Variants in NPHP4 observed in about 807,000 individuals in gnomAD.
NPHP4 encodes the protein nephrocystin 4.
A neutral mutation model predicts 155.8 loss-of-function variants in NPHP4; 151 were observed. The ratio of observed to expected loss-of-function variants is 0.97; its 90% CI spans 0.85 to 1.11. The LOEUF is 1.11. Ranked by LOEUF, NPHP4 falls within the 50% of genes least tolerant of loss-of-function variation. The pLI is 0.00. For missense variants in NPHP4, 1,956 were observed against 1,925.7 expected, an observed-to-expected ratio of 1.02 and a Z score of -0.29; for synonymous variants, 845 against 816.8, an observed-to-expected ratio of 1.03 and a Z score of -0.59.
rs1007715976 is a variant in NPHP4, at chr1:5,944,182, C to T, written c.1119+2922G>A. The stretch of plus-strand genomic sequence containing the variant: ...CAGGAAGCTGGCAGCCGGGGAAGCT[C>T]CGTGGGGCCCATCGCACCAGCCAGC... On this transcript the variant is annotated intron_variant, in intron 9 of 29. Transcript: ENST00000378156. The surrounding 1 kb of genome is among the most constrained non-coding windows in gnomAD (Gnocchi z 4.3). Among the ~76,000 whole-genome samples the T allele has an allele frequency of 1.3e-5, 2 of 152,202 alleles. No homozygotes were observed. Among genetic ancestry groups the T allele is most frequent in the African/African-American group, 4.8e-5 (2 of 41,450 alleles).
intron 23 of NPHP4, among the ~76,000 whole-genome samples, chr1:5,868,758 TATGC>T (rs977070218): frequency 1.9e-4 from 15 of 78,084 alleles, no homozygotes; most frequent in Non-Finnish European, 3.3e-4. Flanking sequence ...CATGTACACA[TATGC>T]ATGCACCCAC....
intron 3 of NPHP4, among the ~76,000 whole-genome samples, chr1:5,972,911 T>C (rs941736877): frequency 6.6e-6 from 1 of 151,752 alleles, no homozygotes; most frequent in Admixed American, 6.6e-5. Flanking sequence ...TTTGACAGAG[T>C]CTTGCTCTAT....
intron 11 of NPHP4, among the ~76,000 whole-genome samples, chr1:5,911,039 A>G (rs1645156214): frequency 6.6e-6 from 1 of 152,176 alleles, no homozygotes; most frequent in Non-Finnish European, 1.5e-5. Context: ...GAGCACAAAG[A>G]CTCTGGTCAG....
intron 7 of NPHP4, 46 bp from the exon 8 acceptor site, chr1:5,948,297 G>A (rs200014066): frequency 1.4e-6 from 2 of 1,446,202 alleles, no homozygotes; most frequent in African/African-American, 2.8e-5. Flanking sequence ...GACGGAAAGA[G>A]GGAGCTCGCC....
At chr1:5,992,003 G>T (rs1236962981) in intron 1 of NPHP4, among the ~76,000 whole-genome samples, 4 of 125,294 alleles carry the variant, frequency 3.2e-5, no homozygotes, top group Non-Finnish European at 5.0e-5. Flanking sequence ...ACGGCACCCA[G>T]CGGCCCCGAC....
chr1:5,884,375 C>A (rs868266783), intron 18 of NPHP4, among the ~76,000 whole-genome samples: 4 of 152,180 alleles, frequency 2.6e-5, no homozygotes, highest in African/African-American at 7.2e-5. Flanking sequence ...TCTGTCCTGA[C>A]GCCTGCCTCC....
At chr1:5,971,777 T>C (rs1229592359) in intron 3 of NPHP4, among the ~76,000 whole-genome samples, 1 of 150,900 alleles carries the variant, frequency 6.6e-6, no homozygotes, top group African/African-American at 2.5e-5. Context: ...ATTCTCTACA[T>C]CAACTGAAAC....
chr1:5,884,353 C>T (rs1250415941), intron 18 of NPHP4, among the ~76,000 whole-genome samples: 3 of 152,150 alleles, frequency 2.0e-5, no homozygotes, highest in Non-Finnish European at 4.4e-5. Context: ...AGACGCTTAG[C>T]CTGTGGGGCC....
intron 9 of NPHP4, among the ~76,000 whole-genome samples, chr1:5,942,867 T>TCACCC (rs1646896848): frequency 6.6e-6 from 1 of 152,182 alleles, no homozygotes; most frequent in African/African-American, 2.4e-5. Context: ...AGGACTGTAT[T>TCACCC]CACCCCCAGA....
chr1:5,863,209 A>G lies in NPHP4; in HGVS notation c.*56T>C. On this transcript the variant is annotated 3_prime_UTR_variant, in exon 30 of 30. Coordinates refer to ENST00000378156, the MANE Select transcript of NPHP4 (RefSeq NM_015102.5). ...CGGGGAGGACAGCCTGCAGGGCAGG[A>G]GGGGCACAGACAGGCCCCAGCTGGG... 1 of 1,592,544 alleles carries G rather than the reference A, an allele frequency of 6.3e-7. No individual in the cohort carries two copies. The highest frequency in any genetic ancestry group is 1.7e-5 in the Admixed American group (1 of 59,968).
chr1:5,910,489 C>T lies in NPHP4; in HGVS notation c.1442-1276G>A, dbSNP rs1645125281. On this transcript the variant is annotated intron_variant, in intron 11 of 29. Coordinates refer to ENST00000378156, the MANE Select transcript of NPHP4 (RefSeq NM_015102.5). This position sits in a 1 kb window ranked among gnomAD's most constrained non-coding sequence, Gnocchi z 5.4. ...CTCCCTCTCCTGTGGCCTCTGCTGCCATGAAGGTTGGGCAAACGAATCTCC... is the reference window on the plus strand; with the variant it reads ...CTCCCTCTCCTGTGGCCTCTGCTGCTATGAAGGTTGGGCAAACGAATCTCC... Among the ~76,000 whole-genome samples the T allele has an allele frequency of 6.6e-6, 1 of 152,128 alleles. No individual in the cohort carries two copies. Among genetic ancestry groups the T allele is most frequent in the South Asian group, 2.1e-4 (1 of 4,828 alleles).
intron 11 of NPHP4, among the ~76,000 whole-genome samples, chr1:5,922,113 A>AGTGACG (rs1557741623): frequency 6.6e-6 from 1 of 152,112 alleles, no homozygotes; most frequent in African/African-American, 2.4e-5. Flanking sequence ...GTTCAGTGAC[A>AGTGACG]ACTGGAAAGT....
chr1:5,983,218 C>T (rs899979816), intron 2 of NPHP4, among the ~76,000 whole-genome samples: 2 of 152,098 alleles, frequency 1.3e-5, no homozygotes, highest in African/African-American at 4.8e-5. Flanking sequence ...GAATATAGTT[C>T]CCTTTAGTTC....
At chr1:5,975,201 C>G (rs1315623766) in intron 3 of NPHP4, among the ~76,000 whole-genome samples, 1 of 152,206 alleles carries the variant, frequency 6.6e-6, no homozygotes, top group African/African-American at 2.4e-5. Context: ...GATGTGCACA[C>G]ATGTTTGCAC....
chr1:5,903,455 G>A (rs553985637), intron 16 of NPHP4, among the ~76,000 whole-genome samples: 16 of 152,294 alleles, frequency 1.1e-4, no homozygotes, highest in Admixed American at 9.8e-4. Context: ...TCTACCTCGA[G>A]AGGCGGCAGT....
intron 23 of NPHP4, chr1:5,868,207 G>A (rs1641471958): frequency 4.5e-6 from 2 of 441,416 alleles, no homozygotes; most frequent in Non-Finnish European, 8.6e-6. Context: ...GCAGTCCCAA[G>A]TCAAAACTAC....
intron 16 of NPHP4, among the ~76,000 whole-genome samples, chr1:5,903,998 A>C (rs1303107527): frequency 6.6e-6 from 1 of 152,266 alleles, no homozygotes; most frequent in Non-Finnish European, 1.5e-5. Flanking sequence ...TCTAACTCCC[A>C]ATTTACAGCT....
At chr1:5,880,292 G>T in intron 18 of NPHP4, 53 bp from the exon 19 acceptor site, 3 of 1,592,012 alleles carry the variant, frequency 1.9e-6, no homozygotes, top group Non-Finnish European at 2.6e-6. Context: ...AGAATCTGAT[G>T]AAACAGATCA....
intron 6 of NPHP4, among the ~76,000 whole-genome samples, chr1:5,957,293 A>C (rs1232767572): frequency 6.6e-6 from 1 of 152,206 alleles, no homozygotes; most frequent in Non-Finnish European, 1.5e-5. Context: ...AGGGATTGCC[A>C]GCAAACCCTT....
Sources: gnomAD v4.1 joint callset for allele counts (sites outside exome capture counted in the v4.1 genomes callset) on GRCh38, gnomAD v4.1.1 for gene constraint, Gnocchi (gnomAD v3.1) non-coding constraint, MANE v1.5 for transcripts, NCBI Gene and HGNC (gene_info 2026-07-23, HGNC 2026-07-21) for gene names.